The following C1QTNF3 variants were observed in gnomAD, a reference collection of about 807,000 sequenced individuals.
The protein encoded by C1QTNF3 is C1q and TNF related 3.
A neutral mutation model predicts 32.6 loss-of-function variants in C1QTNF3; 26 were observed. The ratio of observed to expected loss-of-function variants is 0.80; its 90% confidence interval spans 0.58 to 1.11. The LOEUF is 1.11. Ranked by LOEUF, C1QTNF3 falls within the 50% of genes least tolerant of loss-of-function variation. The pLI, the probability that C1QTNF3 is intolerant of heterozygous loss-of-function variation, is 0.00. For missense variants in C1QTNF3, 362 were observed against 398.2 expected, an observed-to-expected ratio of 0.91 and a Z score of 0.77; for synonymous variants, 155 against 146.0, an observed-to-expected ratio of 1.06 and a Z score of -0.44.
intron 2 of C1QTNF3, 62 bp downstream of exon 2, chr5:34,035,585 C>T: frequency 8.3e-7 from 1 of 1,209,240 alleles, no homozygotes; most frequent in Non-Finnish European, 1.2e-6. Flanking sequence ...TAAGGTTTGC[C>T]CTTTGCTCCT....
At chr5:34,046,456 C>CA (rs1248586165), upstream of C1QTNF3, among the ~76,000 whole-genome samples, 1 of 152,176 alleles carries the variant, frequency 6.6e-6, no homozygotes, top group Non-Finnish European at 1.5e-5. Context: ...GGCAGACATG[C>CA]ACACAGGAGA....
At chr5:34,086,706 T>C in the C1QTNF3 span, among the ~76,000 whole-genome samples, 1 of 152,194 alleles carries the variant, frequency 6.6e-6, no homozygotes, top group South Asian at 2.1e-4. Flanking sequence ...TAAAATGTGA[T>C]ACAGCATTTG....
At chr5:34,194,940 G>C in the C1QTNF3 span, among the ~76,000 whole-genome samples, 2 of 147,178 alleles carry the variant, frequency 1.4e-5, no homozygotes, top group Non-Finnish European at 3.0e-5. Flanking sequence ...CAAGAAAAAA[G>C]TCTTTACATG....
At chr5:34,112,471 G>A in the C1QTNF3 span, among the ~76,000 whole-genome samples, 1 of 149,366 alleles carries the variant, frequency 6.7e-6, no homozygotes, top group Non-Finnish European at 1.5e-5. Flanking sequence ...ACCAGCCTAG[G>A]CAACATAAGG....
At chr5:34,068,013 T>A in the C1QTNF3 span, among the ~76,000 whole-genome samples, 3 of 152,208 alleles carry the variant, frequency 2.0e-5, no homozygotes, top group Non-Finnish European at 2.9e-5. Flanking sequence ...CTTTTTTTAA[T>A]GAATGATTTA....
the C1QTNF3 span, among the ~76,000 whole-genome samples, chr5:34,136,587 G>T: frequency 6.6e-6 from 1 of 152,224 alleles, no homozygotes; most frequent in Non-Finnish European, 1.5e-5. Context: ...GGAAGAGAGT[G>T]TGGTGATGCC....
At chr5:34,024,254 AT>A (rs977799805) in intron 4 of C1QTNF3, 2 of 410,746 alleles carry the variant, frequency 4.9e-6, no homozygotes, top group African/African-American at 2.0e-5. Flanking sequence ...AGCCTACCTC[AT>A]TTTAACTGTA....
chr5:34,124,340 C>T, the C1QTNF3 span: 3 of 672,382 alleles, frequency 4.5e-6, no homozygotes, highest in African/African-American at 3.6e-5. Context: ...AAAGAAATAC[C>T]TGAGACTAGG....
At chr5:34,084,817 T>A in the C1QTNF3 span, among the ~76,000 whole-genome samples, 62,875 of 107,814 alleles carry the variant, frequency 0.58, 19,427 homozygotes, top group African/African-American at 0.62. Context: ...TTGTTTTTTT[T>A]CTGTGCAGAA....
At chr5:34,122,362 T>C in the C1QTNF3 span, among the ~76,000 whole-genome samples, 1 of 152,188 alleles carries the variant, frequency 6.6e-6, no homozygotes, top group Non-Finnish European at 1.5e-5. Flanking sequence ...AAGGTCACAC[T>C]GATGAAGTTT....
the C1QTNF3 span, among the ~76,000 whole-genome samples, chr5:34,177,309 A>G: frequency 6.6e-6 from 1 of 152,090 alleles, no homozygotes; most frequent in Admixed American, 6.6e-5. Flanking sequence ...GGGCATTTCC[A>G]TCATTGCAAA....
the C1QTNF3 span, among the ~76,000 whole-genome samples, chr5:34,197,623 G>T: frequency 1.3e-5 from 2 of 152,100 alleles, no homozygotes; most frequent in Non-Finnish European, 2.9e-5. Context: ...GATTTGGGTA[G>T]GTGGTTCTGA....
At chr5:34,073,053 C>T in the C1QTNF3 span, among the ~76,000 whole-genome samples, 67 of 152,252 alleles carry the variant, frequency 4.4e-4, no homozygotes, top group African/African-American at 1.5e-3. Flanking sequence ...TGTGGCCGGG[C>T]GCGGTGACTC....
chr5:34,221,075 C>T, the C1QTNF3 span, among the ~76,000 whole-genome samples: 2 of 152,004 alleles, frequency 1.3e-5, no homozygotes, highest in African/African-American at 2.4e-5. Flanking sequence ...TCTTGAAGAG[C>T]GATCTGTGTC....
chr5:34,136,543 C>G, the C1QTNF3 span, among the ~76,000 whole-genome samples: 1 of 152,208 alleles, frequency 6.6e-6, no homozygotes, highest in Admixed American at 6.5e-5. Context: ...CAATTTTACA[C>G]TGTTGGTGGG....
chr5:34,215,001 T>C, the C1QTNF3 span, among the ~76,000 whole-genome samples: 2 of 152,212 alleles, frequency 1.3e-5, no homozygotes, highest in Non-Finnish European at 2.9e-5. Context: ...GCTATTAAAA[T>C]TATGTTTTGC....
At chr5:34,028,127 C>T (rs900310267) in intron 4 of C1QTNF3, among the ~76,000 whole-genome samples, 5 of 152,164 alleles carry the variant, frequency 3.3e-5, no homozygotes, top group Admixed American at 6.5e-5. Context: ...CGCCCGCCAC[C>T]ACGCCCGGCT....
chr5:34,217,432 C>A, the C1QTNF3 span, among the ~76,000 whole-genome samples: 2 of 152,110 alleles, frequency 1.3e-5, no homozygotes, highest in African/African-American at 4.8e-5. Flanking sequence ...GGAACCTATA[C>A]ACTTACATTC....
chr5:34,053,778 C>T, the C1QTNF3 span, among the ~76,000 whole-genome samples: 1 of 152,138 alleles, frequency 6.6e-6, no homozygotes, highest in Non-Finnish European at 1.5e-5. Flanking sequence ...TAATTAGTGG[C>T]AGCTCCAGAA....
Sources: allele counts gnomAD v4.1 joint callset (sites outside exome capture counted in the v4.1 genomes callset), GRCh38; gene constraint gnomAD v4.1.1; transcripts MANE v1.5; gene names NCBI Gene and HGNC (gene_info 2026-07-23, HGNC 2026-07-21).